Variants in DNAJB14 observed in about 807,000 individuals in gnomAD.
DNAJB14 encodes the protein DnaJ heat shock protein family (Hsp40) member B14, also known as dnaJ homolog subfamily B member 14.
DNAJB14 carries 22 observed loss-of-function variants against 48.4 expected under a neutral mutation model. That is an observed-to-expected ratio of 0.45 (90% CI 0.32 to 0.65). The LOEUF (loss-of-function observed/expected upper bound fraction) is 0.65, where lower values mean the gene tolerates loss of function less well. DNAJB14 is among the 30% of genes least tolerant of loss of function. DNAJB14 has a pLI of 0.03. For missense variants in DNAJB14, 319 were observed against 458.8 expected (o/e 0.70, Z 2.78); for synonymous variants, 142 against 158.7 (o/e 0.89, Z 0.79).
chr4:99,936,996 C>T (rs892694789), intron 1 of DNAJB14, among the ~76,000 whole-genome samples: 1 of 152,182 alleles, frequency 6.6e-6, no homozygotes, highest in East Asian at 1.9e-4. Flanking sequence ...TATTTCCCTA[C>T]AAAACATGTA....
intron 1 of DNAJB14, among the ~76,000 whole-genome samples, chr4:99,945,170 A>C (rs915891896): frequency 1.3e-5 from 2 of 152,228 alleles, no homozygotes; most frequent in Non-Finnish European, 1.5e-5. Context: ...TGGACTGCAC[A>C]CTTAAAAATA....
intron 3 of DNAJB14, among the ~76,000 whole-genome samples, chr4:99,913,331 A>G (rs752196984): frequency 4.6e-5 from 7 of 152,210 alleles, no homozygotes; most frequent in Non-Finnish European, 8.8e-5. Flanking sequence ...GTTGCTCTTT[A>G]TCAAGTTGAG....
At chr4:99,906,269 T>C (rs983189026) in intron 5 of DNAJB14, 13 of 1,169,780 alleles carry the variant, frequency 1.1e-5, no homozygotes, top group Admixed American at 2.5e-5. Context: ...ACAACATGCA[T>C]AGTGCAGGTG....
intron 2 of DNAJB14, chr4:99,926,475 A>T (rs924555167): frequency 4.6e-5 from 7 of 152,174 alleles, no homozygotes; most frequent in Admixed American, 4.6e-4. Flanking sequence ...CAAGGTGGAG[A>T]GGTACGAATA....
chr4:99,946,341 GC>G, intron 1 of DNAJB14, 97 bp downstream of exon 1: 1 of 1,521,996 alleles, frequency 6.6e-7, no homozygotes, highest in South Asian at 1.2e-5. Context: ...CAGGCCGGGG[GC>G]CCCGCAGGCC....
chr4:99,918,134 C>T (rs772528831), intron 3 of DNAJB14, among the ~76,000 whole-genome samples: 21 of 152,168 alleles, frequency 1.4e-4, no homozygotes, highest in Non-Finnish European at 2.9e-4. Context: ...ATAGTCCCAC[C>T]TGTCTCTGAG....
intron 2 of DNAJB14, chr4:99,928,633 TGAA>T (rs1481149687): frequency 2.3e-6 from 1 of 435,524 alleles, no homozygotes. Context: ...GTAGAGGAAA[TGAA>T]GAAACAGACT....
chr4:99,910,840 A>C (rs1384920988), intron 3 of DNAJB14, among the ~76,000 whole-genome samples: 4 of 151,960 alleles, frequency 2.6e-5, no homozygotes, highest in African/African-American at 9.6e-5. Flanking sequence ...CTTCCACTTC[A>C]TTTATTTTTC....
intron 1 of DNAJB14, among the ~76,000 whole-genome samples, chr4:99,934,789 CAAAAAAA>C (rs1167945149): frequency 7.4e-4 from 5 of 6,772 alleles, no homozygotes; most frequent in Non-Finnish European, 1.2e-3. Context: ...AAGACTGTCT[CAAAAAAA>C]AAAAAAAAAA....
In DNAJB14 at chr4:99,899,892, A is replaced by G. The variant is rs936857427; in HGVS notation, c.*1136T>C. 3.9e-5 allele frequency: 6 copies of G among 152,134 alleles called. No individual in the cohort carries two copies. Among genetic ancestry groups the G allele is most frequent in the African/African-American group, 1.5e-4 (6 of 41,360 alleles). 9.4% of individuals were successfully genotyped at this position (152,134 alleles called of 1,614,324 possible). A position where few individuals can be genotyped will look rare whatever the true frequency, so the allele number is the denominator to read the frequency against. On this transcript the variant is annotated 3_prime_UTR_variant, in exon 8 of 8. Transcript: ENST00000442697. ...AATTACTCAATGGTAAATAGATTTT[A>G]GCTCAGAATTTTTAAAGGATGACTT...
In DNAJB14 at chr4:99,901,054, G is replaced by C; in HGVS notation, c.1114C>G (p.Leu372Val). ...SMDNCKELERLTSLYKGG is the reference protein window; with the variant it reads ...SMDNCKELERVTSLYKGG ...CATCCTCCTTTATAAAGACTGGTAA[G>C]CCGCTCTAATTCTTTACAGTTGTCC... The change falls in exon 8 of 8, where the codon CTT becomes GTT. Residue 372 changes from leucine (L) to valine (V), a missense_variant. By Grantham distance (32) the Leu-to-Val change is conservative. Transcript: ENST00000442697. 1 of 1,609,998 alleles carries C rather than the reference G, an allele frequency of 6.2e-7. No individual in the cohort carries two copies. Among genetic ancestry groups the C allele is most frequent in the Non-Finnish European group, 8.5e-7 (1 of 1,178,884 alleles).
rs1405669794 is a variant in DNAJB14, at chr4:99,896,996, G to A, written c.*4032C>T. On this transcript the variant is annotated 3_prime_UTR_variant, in exon 8 of 8. Coordinates refer to ENST00000442697, the MANE Select transcript of DNAJB14 (RefSeq NM_001031723.4). ...ATAGAAAGATATAATTATGTTTGAA[G>A]CATGGGCCTTATAATAGGAATCTCT... 6.6e-6 allele frequency: 1 copy of A among 151,932 alleles called. No individual in the cohort carries two copies. Among genetic ancestry groups the A allele is most frequent in the Non-Finnish European group, 1.5e-5 (1 of 67,930 alleles). 9.4% of individuals were successfully genotyped at this position (151,932 alleles called of 1,614,324 possible). A position where few individuals can be genotyped will look rare whatever the true frequency, so the allele number is the denominator to read the frequency against.
At chr4:99,934,937 C>CAGG (rs1420096486) in intron 1 of DNAJB14, among the ~76,000 whole-genome samples, 1 of 101,548 alleles carries the variant, frequency 9.8e-6, no homozygotes, top group African/African-American at 5.0e-5. Context: ...ATAAATACAA[C>CAGG]AGGATAATGC....
chr4:99,906,641 G>T, intron 4 of DNAJB14, 30 bp from the exon 5 acceptor site: 1 of 1,537,860 alleles, frequency 6.5e-7, no homozygotes. Context: ...GTTAAATTAG[G>T]GAGAGCAATT....
chr4:99,940,137 T>C (rs1726836518), intron 1 of DNAJB14, among the ~76,000 whole-genome samples: 1 of 152,236 alleles, frequency 6.6e-6, no homozygotes, highest in Admixed American at 6.5e-5. Context: ...TGAGATCTAT[T>C]TTTATTCTTA....
chr4:99,937,643 T>C (rs989259194), intron 1 of DNAJB14, among the ~76,000 whole-genome samples: 2 of 152,020 alleles, frequency 1.3e-5, no homozygotes, highest in African/African-American at 4.8e-5. Context: ...GAAGAATTAC[T>C]TGAGCCCAGG....
chr4:99,900,198 A>G lies in DNAJB14; in HGVS notation c.*830T>C, dbSNP rs572658252. The G allele has an allele frequency of 3.9e-5, 6 of 152,488 alleles. No homozygotes were observed. The South Asian group carries it at 1.2e-3, about 32-fold the overall frequency. The allele number at this position is 152,488 out of a possible 1,614,324, so 9.4% of individuals were successfully genotyped here. A position where few individuals can be genotyped will look rare whatever the true frequency, so the allele number is the denominator to read the frequency against. On this transcript the variant is annotated 3_prime_UTR_variant, in exon 8 of 8. Transcript: ENST00000442697. The stretch of plus-strand genomic sequence containing the variant: ...CATAAATTTTAGCAGCCCTTCAAGG[A>G]CATATACATCAAAATTTGGTGGCCT...
At position 99,940,954 on chromosome 4, in the gene DNAJB14, T is replaced by A. The variant is rs1016146597; in HGVS notation, c.133+5485A>T. 7.3e-5 allele frequency among the ~76,000 whole-genome samples: 11 copies of A among 151,300 alleles called. No homozygotes were observed. In the South Asian group the frequency reaches 8.3e-4, roughly 11 times the overall value. ...GACAATCCCTATATATATATATATT[T>A]TTTTTTTGGAACACTTGGGCTGATT... is the stretch of plus-strand genomic sequence containing the variant. On this transcript the variant is annotated intron_variant, in intron 1 of 7. Transcript: ENST00000442697.
intron 1 of DNAJB14, among the ~76,000 whole-genome samples, chr4:99,944,797 G>A (rs1477887001): frequency 2.6e-5 from 4 of 151,934 alleles, no homozygotes; most frequent in African/African-American, 7.3e-5. Context: ...GGCTGGTCTC[G>A]AACTCCTCAC....
Sources: gnomAD v4.1 joint callset for allele counts (sites outside exome capture counted in the v4.1 genomes callset) on GRCh38, gnomAD v4.1.1 for gene constraint, MANE v1.5 for transcripts, NCBI Gene and HGNC (gene_info 2026-07-23, HGNC 2026-07-21) for gene names.